The following CHST9 variants were observed in gnomAD, a reference collection of about 807,000 sequenced individuals.
CHST9 encodes the protein carbohydrate sulfotransferase 9, also known as GalNAc-4-sulfotransferase 2.
A neutral mutation model predicts 44.4 loss-of-function variants in CHST9; 41 were observed. The observed-to-expected ratio is 0.92, with a 90% CI of 0.72 to 1.20. CHST9 has a LOEUF of 1.20. CHST9 is among the 50% of genes most tolerant of loss of function. CHST9 has a pLI of 0.00. For synonymous variants in CHST9, 171 were observed against 178.4 expected (o/e 0.96, Z 0.33); for missense variants, 504 against 516.5 (o/e 0.98, Z 0.23).
At chr18:27,157,503 C>A (rs774979682) in intron 1 of CHST9, among the ~76,000 whole-genome samples, 5 of 152,112 alleles carry the variant, frequency 3.3e-5, no homozygotes, top group Non-Finnish European at 7.4e-5. Flanking sequence ...AGCCTGCAAC[C>A]ATTTAATAGA....
At chr18:27,078,236 C>T (rs1433497718) in intron 2 of CHST9, among the ~76,000 whole-genome samples, 1 of 152,130 alleles carries the variant, frequency 6.6e-6, no homozygotes, top group East Asian at 1.9e-4. Context: ...TGACATACAG[C>T]CAGCCTGCAT....
chr18:26,960,317 A>G (rs2056383148), intron 4 of CHST9, among the ~76,000 whole-genome samples: 1 of 152,224 alleles, frequency 6.6e-6, no homozygotes, highest in Non-Finnish European at 1.5e-5. Context: ...GATGTTTCAA[A>G]TTATTCAACT....
chr18:27,149,319 C>T (rs12971155), intron 1 of CHST9, among the ~76,000 whole-genome samples: 122,584 of 151,832 alleles, frequency 0.81, 49,809 homozygotes, highest in East Asian at 0.92. Context: ...GTTTTAGACA[C>T]GAAGTCTAAT....
chr18:26,920,353 G>C (rs1013281944), intron 5 of CHST9, among the ~76,000 whole-genome samples: 4 of 152,184 alleles, frequency 2.6e-5, no homozygotes, highest in African/African-American at 9.7e-5. Flanking sequence ...CAGTTGGAAA[G>C]TCACCTCTGT....
rs138482240 is a variant in CHST9, at chr18:27,034,713, T to TC, written c.161-10557dup. On this transcript the variant is annotated intron_variant, in intron 3 of 5. Coordinates refer to ENST00000618847, the MANE Select transcript of CHST9 (RefSeq NM_031422.6). Reference sequence around the variant, plus strand: ...TCTGCTCAAGGCTGGTTCCTTCATATCACTCAGGATTTAGCTCAAATGCCT... The same window carrying TC: ...TCTGCTCAAGGCTGGTTCCTTCATATCCACTCAGGATTTAGCTCAAATGCCT... 6.7e-3 allele frequency among the ~76,000 whole-genome samples: 1,023 copies of TC among 152,282 alleles called. 8 individuals carry two copies. Among genetic ancestry groups the TC allele is most frequent in the African/African-American group, 0.023 (970 of 41,556 alleles).
At chr18:27,153,685 C>T (rs1185849445) in intron 1 of CHST9, among the ~76,000 whole-genome samples, 1 of 151,878 alleles carries the variant, frequency 6.6e-6, no homozygotes, top group Non-Finnish European at 1.5e-5. Flanking sequence ...AGATCCTTAA[C>T]TTAATTACAT....
At chr18:27,136,151 T>C (rs2058511533) in intron 2 of CHST9, among the ~76,000 whole-genome samples, 1 of 152,202 alleles carries the variant, frequency 6.6e-6, no homozygotes, top group South Asian at 2.1e-4. Flanking sequence ...TGAGAACAAC[T>C]ATTGGATTGG....
intron 4 of CHST9, among the ~76,000 whole-genome samples, chr18:26,997,203 G>A (rs944340486): frequency 6.6e-6 from 1 of 152,198 alleles, no homozygotes; most frequent in Non-Finnish European, 1.5e-5. Flanking sequence ...ATCAATAAAT[G>A]TTGGTGATCA....
chr18:26,983,221 A>G (rs554893996), intron 4 of CHST9, among the ~76,000 whole-genome samples: 6 of 152,348 alleles, frequency 3.9e-5, no homozygotes, highest in Admixed American at 3.9e-4. Flanking sequence ...GGACATCAGA[A>G]TGACCTGCAG....
intron 1 of CHST9, among the ~76,000 whole-genome samples, chr18:27,160,697 C>T (rs1302661992): frequency 6.6e-6 from 1 of 152,174 alleles, no homozygotes. Context: ...ACGAGCTCCT[C>T]CTTGTACCTC....
At chr18:26,967,979 C>T (rs1473273147) in intron 4 of CHST9, among the ~76,000 whole-genome samples, 1 of 152,244 alleles carries the variant, frequency 6.6e-6, no homozygotes, top group East Asian at 1.9e-4. Context: ...CTTGGACTTA[C>T]ATCAGTGATT....
chr18:26,917,496 G>C, intron 5 of CHST9, 146 bp from the exon 6 acceptor site: 1 of 901,346 alleles, frequency 1.1e-6, no homozygotes, highest in Non-Finnish European at 1.7e-6. Context: ...AAGGCATGCT[G>C]AACATACATT....
intron 3 of CHST9, among the ~76,000 whole-genome samples, chr18:27,029,345 T>C (rs2057316473): frequency 6.6e-6 from 1 of 152,166 alleles, no homozygotes; most frequent in Non-Finnish European, 1.5e-5. Flanking sequence ...GAACTGGTTT[T>C]TCTAACTCTA....
At chr18:26,985,595 T>C (rs1312973434) in intron 4 of CHST9, among the ~76,000 whole-genome samples, 1 of 152,176 alleles carries the variant, frequency 6.6e-6, no homozygotes, top group Non-Finnish European at 1.5e-5. Context: ...ACAAGGTGTC[T>C]AGAGTTCTCA....
chr18:27,006,023 A>G lies in CHST9; in HGVS notation c.202+18093T>C, dbSNP rs116544160. On this transcript the variant is annotated intron_variant, in intron 4 of 5. Transcript: ENST00000618847. ...TTCTAATTCTTTATTCAGAATTTTT[A>G]GCTTCAAATATTTGTGTTTTTTCTC... is the stretch of plus-strand genomic sequence containing the variant. Among the ~76,000 whole-genome samples the G allele has an allele frequency of 9.2e-3, 1,398 of 152,260 alleles. 21 individuals carry two copies. Among genetic ancestry groups the G allele is most frequent in the African/African-American group, 0.032 (1,336 of 41,544 alleles).
intron 2 of CHST9, among the ~76,000 whole-genome samples, chr18:27,097,035 C>T (rs1335476125): frequency 6.6e-6 from 1 of 152,094 alleles, no homozygotes; most frequent in Non-Finnish European, 1.5e-5. Flanking sequence ...CAACTAAATA[C>T]TAGCAAACTG....
At position 26,930,837 on chromosome 18, in the gene CHST9, G is replaced by A. The variant is rs1340710463; in HGVS notation, c.241-13487C>T. ...AGCCCAGCCTCAGTAAGTGCAATGT[G>A]CAGTTGGCAGAGGGGAGGGAGCTGG... On this transcript the variant is annotated intron_variant, in intron 5 of 5. Coordinates refer to ENST00000618847, the MANE Select transcript of CHST9 (RefSeq NM_031422.6). 2.0e-5 allele frequency: 3 copies of A among 152,144 alleles called. No homozygotes were observed. In the East Asian group the frequency reaches 6.0e-4, roughly 30 times the overall value. 9.4% of individuals were successfully genotyped at this position (152,144 alleles called of 1,614,324 possible).
intron 2 of CHST9, among the ~76,000 whole-genome samples, chr18:27,105,361 C>A (rs1369214071): frequency 1.3e-5 from 2 of 152,112 alleles, no homozygotes; most frequent in Non-Finnish European, 2.9e-5. Context: ...CTTGACTTCT[C>A]CCTAAGAAGA....
intron 4 of CHST9, among the ~76,000 whole-genome samples, chr18:27,021,474 G>A (rs1485615742): frequency 2.6e-5 from 4 of 152,120 alleles, no homozygotes; most frequent in Non-Finnish European, 4.4e-5. Flanking sequence ...CCCCTCAATG[G>A]CACTTGCTCT....
Sources: gnomAD v4.1 joint callset for allele counts (sites outside exome capture counted in the v4.1 genomes callset) on GRCh38, gnomAD v4.1.1 for gene constraint, MANE v1.5 for transcripts, NCBI Gene and HGNC (gene_info 2026-07-23, HGNC 2026-07-21) for gene names.